The following RPGRIP1L variants were observed in gnomAD, a reference collection of about 807,000 sequenced individuals.
RPGRIP1L encodes the protein RPGRIP1 like.
In RPGRIP1L, 131 loss-of-function variants were observed where a neutral mutation model predicts 160.4. The observed-to-expected ratio is 0.82, with a 90% CI of 0.71 to 0.94. RPGRIP1L has a LOEUF of 0.94. Ranked by LOEUF, RPGRIP1L falls within the 40% of genes least tolerant of loss-of-function variation. The probability of loss-of-function intolerance (pLI) is 0.00; values close to 1 mark genes in which losing one functional copy is unlikely to be tolerated. For missense variants in RPGRIP1L, 1,522 were observed against 1,535.8 expected, an observed-to-expected ratio of 0.99 and a Z score of 0.15; for synonymous variants, 510 against 515.8, an observed-to-expected ratio of 0.99 and a Z score of 0.15.
At chr16:53,656,360 A>T in intron 14 of RPGRIP1L, 112 bp downstream of exon 14, 1 of 808,754 alleles carries the variant, frequency 1.2e-6, no homozygotes, top group Non-Finnish European at 2.2e-6. Context: ...GCTATGAATT[A>T]GGCGTAAACA....
intron 10 of RPGRIP1L, among the ~76,000 whole-genome samples, chr16:53,662,813 G>A (rs1967919295): frequency 6.6e-6 from 1 of 151,972 alleles, no homozygotes; most frequent in Non-Finnish European, 1.5e-5. Context: ...TTCAGTTCTA[G>A]CAATTTTTCT....
intron 12 of RPGRIP1L, 76 bp from the exon 13 acceptor site, chr16:53,657,708 C>T: frequency 1.2e-6 from 1 of 804,960 alleles, no homozygotes. Context: ...ATAGATGTAT[C>T]AATAAATAAT....
intron 6 of RPGRIP1L, among the ~76,000 whole-genome samples, chr16:53,679,270 G>T (rs1011584718): frequency 2.2e-4 from 33 of 152,104 alleles, no homozygotes; most frequent in African/African-American, 8.0e-4. Context: ...TCAGTGGAAG[G>T]GTACTCCCAA....
intron 4 of RPGRIP1L, among the ~76,000 whole-genome samples, chr16:53,691,225 C>T (rs1970364035): frequency 6.6e-6 from 1 of 151,786 alleles, no homozygotes; most frequent in Non-Finnish European, 1.5e-5. Flanking sequence ...CCAATTAGAG[C>T]TAAAACCTAA....
intron 24 of RPGRIP1L, 109 bp downstream of exon 24, chr16:53,618,916 G>T: frequency 1.1e-6 from 1 of 917,448 alleles, no homozygotes; most frequent in Non-Finnish European, 1.7e-6. Context: ...AGACTTCCAT[G>T]AATTTATGTG....
rs771844271 is a variant in RPGRIP1L at position 53,692,146 on chromosome 16, T to A, written c.449A>T (p.Tyr150Phe). The change falls in exon 4 of 27, where the codon TAC (tyrosine) becomes TTC (phenylalanine). Residue 150 changes from tyrosine to phenylalanine, a missense_variant. Transcript: ENST00000647211. Reference protein sequence around the residue: ...LQTQGYRQTPYNNVQSRINTG... With the variant: ...LQTQGYRQTPFNNVQSRINTG... ...GTTAATACGAGATTGTACATTATTG[T>A]ATGGAGTTTGCCTGTAACCCTGGGT... 6.2e-7 allele frequency: 1 copy of A among 1,614,048 alleles called. No homozygotes were observed. The highest frequency in any genetic ancestry group is 1.7e-5 in the Admixed American group (1 of 60,002).
chr16:53,625,381 TGGGAACTGGG>T (rs1965039879), intron 22 of RPGRIP1L, among the ~76,000 whole-genome samples: 2 of 147,366 alleles, frequency 1.4e-5, no homozygotes, highest in African/African-American at 4.9e-5. Flanking sequence ...CCACCCCGTC[TGGGAACTGGG>T]GGGGGCGCCT....
At chr16:53,664,420 T>C (rs1020044887) in intron 10 of RPGRIP1L, among the ~76,000 whole-genome samples, 1 of 152,180 alleles carries the variant, frequency 6.6e-6, no homozygotes, top group African/African-American at 2.4e-5. Flanking sequence ...TTTTGTGCCA[T>C]TACACTTGCC....
At chr16:53,631,379 T>C (rs568928897) in intron 22 of RPGRIP1L, among the ~76,000 whole-genome samples, 2 of 152,314 alleles carry the variant, frequency 1.3e-5, no homozygotes, top group African/African-American at 2.4e-5. Flanking sequence ...GATGTAAATA[T>C]GCACTGCACA....
chr16:53,627,313 G>A (rs1965249752), intron 22 of RPGRIP1L, among the ~76,000 whole-genome samples: 1 of 152,124 alleles, frequency 6.6e-6, no homozygotes, highest in African/African-American at 2.4e-5. Flanking sequence ...GAGATTACAG[G>A]TGAGCTTAAT....
chr16:53,657,648 T>C lies in RPGRIP1L; in HGVS notation c.1402-16A>G, dbSNP rs1891564221. 6.7e-7 allele frequency: 1 copy of C among 1,499,638 alleles called. No homozygotes were observed. The highest frequency in any genetic ancestry group is 2.3e-5 in the East Asian group (1 of 44,168). The allele number at this position is 1,499,638 out of a possible 1,614,324, so 92.9% of individuals were successfully genotyped here. ...CTTTTTGAGCCTAAAATAAAAAACA[T>C]GTTTTATGACTGAAACAAAAATTTC... On this transcript the variant is annotated splice_polypyrimidine_tract_variant and intron_variant, in intron 12 of 26. Coordinates refer to ENST00000647211, the MANE Select transcript of RPGRIP1L (RefSeq NM_015272.5).
rs970695621 is a variant in RPGRIP1L at position 53,652,978 on chromosome 16, T to TAA, written c.1708_1709insTT (p.Lys570IlefsTer32). ...CTGCTTGGTGCCATAGGCAATATCCTTTAATTGGGCTGCAAGAGAAGACAC... is the reference window on the plus strand; with the variant it reads ...CTGCTTGGTGCCATAGGCAATATCCTAATTAATTGGGCTGCAAGAGAAGACAC... On this transcript the variant is annotated frameshift_variant, in exon 15 of 27. Transcript: ENST00000647211. LOFTEE classifies it high-confidence loss of function. 1.9e-6 allele frequency: 3 copies of TAA among 1,612,122 alleles called. No homozygotes were observed. Among genetic ancestry groups the TAA allele is most frequent in the Non-Finnish European group, 2.5e-6 (3 of 1,178,826 alleles).
intron 4 of RPGRIP1L, among the ~76,000 whole-genome samples, chr16:53,689,460 A>G (rs1970245216): frequency 1.3e-5 from 2 of 152,316 alleles, no homozygotes; most frequent in African/African-American, 4.8e-5. Context: ...CAATGGTTAC[A>G]TTTCAAAACC....
At chr16:53,639,970 A>G (rs1966097496) in intron 19 of RPGRIP1L, among the ~76,000 whole-genome samples, 1 of 152,202 alleles carries the variant, frequency 6.6e-6, no homozygotes, top group South Asian at 2.1e-4. Flanking sequence ...ATTGAGCTCT[A>G]TGCTTAAGAT....
At chr16:53,609,486 A>G (rs8047334) in intron 25 of RPGRIP1L, among the ~76,000 whole-genome samples, 58,282 of 152,042 alleles carry the variant, frequency 0.38, 12,964 homozygotes, top group African/African-American at 0.6. Flanking sequence ...TTGATTTTAA[A>G]TTTTTTAAAT....
intron 3 of RPGRIP1L, chr16:53,695,131 T>A: frequency 1.8e-6 from 1 of 555,936 alleles, no homozygotes; most frequent in Non-Finnish European, 3.2e-6. Context: ...AGGTCAAGGA[T>A]GTGAATTCGA....
Position 53,675,272 on chromosome 16 carries a change from T to C in RPGRIP1L, c.777-150A>G. 4.6e-6 allele frequency: 3 copies of C among 646,166 alleles called. No homozygotes were observed. In the Admixed American group the frequency reaches 7.3e-5, roughly 16 times the overall value. 40.0% of individuals were successfully genotyped at this position (646,166 alleles called of 1,614,324 possible). On this transcript the variant is annotated intron_variant, in intron 6 of 26. Coordinates refer to ENST00000647211, the MANE Select transcript of RPGRIP1L (RefSeq NM_015272.5). Reference sequence around the variant, plus strand: ...AGTCAATGAGGTTTTTGGATTATTATAAATGCAGGACAGATTAATTATTTA... The same window carrying C: ...AGTCAATGAGGTTTTTGGATTATTACAAATGCAGGACAGATTAATTATTTA...
At chr16:53,674,598 T>C (rs757273061) in intron 7 of RPGRIP1L, among the ~76,000 whole-genome samples, 8 of 152,290 alleles carry the variant, frequency 5.3e-5, no homozygotes, top group Non-Finnish European at 8.8e-5. Flanking sequence ...TAACAGAACA[T>C]GATTACTGAC....
rs1164276165 is a variant in RPGRIP1L, at chr16:53,599,497, C to T, written c.*2579G>A. ...GTAAAATACACTCTCCCACATACCA[C>T]ATCACATCTCTATTTGTATTTCCAA... On this transcript the variant is annotated 3_prime_UTR_variant, in exon 27 of 27. Coordinates refer to ENST00000647211, the MANE Select transcript of RPGRIP1L (RefSeq NM_015272.5). 6.6e-6 allele frequency: 1 copy of T among 152,240 alleles called. No individual in the cohort carries two copies. 9.4% of individuals were successfully genotyped at this position (152,240 alleles called of 1,614,324 possible). A position where few individuals can be genotyped will look rare whatever the true frequency, so the allele number is the denominator to read the frequency against.
Sources: gnomAD v4.1 joint callset for allele counts (sites outside exome capture counted in the v4.1 genomes callset) on GRCh38, gnomAD v4.1.1 for gene constraint, MANE v1.5 for transcripts, NCBI Gene and HGNC (gene_info 2026-07-23, HGNC 2026-07-21) for gene names.